NARS2: variants seen among roughly 807,000 people sequenced by gnomAD.
The protein encoded by NARS2 is asparaginyl-tRNA synthetase.
Under a neutral mutation model 62.9 loss-of-function variants are expected in NARS2, and 60 were observed. That is an observed-to-expected ratio of 0.95 (90% CI 0.77 to 1.18). The LOEUF (loss-of-function observed/expected upper bound fraction) is 1.18, where lower values mean the gene tolerates loss of function less well. NARS2 is among the 50% of genes most tolerant of loss of function. NARS2 has a pLI of 0.00. For missense variants in NARS2, 619 were observed against 576.4 expected (o/e 1.07, Z -0.76); for synonymous variants, 196 against 200.0 (o/e 0.98, Z 0.17).
At chr11:78,569,688 T>C (rs1464426715) in intron 2 of NARS2, among the ~76,000 whole-genome samples, 2 of 152,194 alleles carry the variant, frequency 1.3e-5, no homozygotes, top group South Asian at 4.1e-4. Flanking sequence ...TGGTATACTT[T>C]CATCAACCTG....
Position 78,550,859 on chromosome 11 carries a change from TA to T in NARS2, c.594+8679del, listed in dbSNP as rs528562960. Among the ~76,000 whole-genome samples, 12 of 152,280 alleles carry T rather than the reference TA, an allele frequency of 7.9e-5. No individual in the cohort carries two copies. The South Asian group carries it at 2.5e-3, about 32-fold the overall frequency. ...AACAATACGAATGTCCATCAAGTGATAAATCAATAAACAAAACATGATACAT... is the reference window on the plus strand; with the variant it reads ...AACAATACGAATGTCCATCAAGTGATAATCAATAAACAAAACATGATACAT... On this transcript the variant is annotated intron_variant, in intron 5 of 13. Transcript: ENST00000281038.
At position 78,443,777 on chromosome 11, in the gene NARS2, T is replaced by C; in HGVS notation, c.1165-19A>G. 2 of 1,466,198 alleles carry C rather than the reference T, an allele frequency of 1.4e-6. No individual in the cohort carries two copies. The highest frequency in any genetic ancestry group is 1.9e-6 in the Non-Finnish European group (2 of 1,050,888). 90.8% of individuals were successfully genotyped at this position (1,466,198 alleles called of 1,614,324 possible). A position where few individuals can be genotyped will look rare whatever the true frequency, so the allele number is the denominator to read the frequency against. ...CAGCAACCTAAGGAAAAAAAAAAAATTATTAGCATTATATTTTCAGGTGAT... is the reference window on the plus strand; with the variant it reads ...CAGCAACCTAAGGAAAAAAAAAAAACTATTAGCATTATATTTTCAGGTGAT... On this transcript the variant is annotated intron_variant, in intron 11 of 13. Transcript: ENST00000281038.
chr11:78,556,851 A>T (rs536005607), intron 5 of NARS2, among the ~76,000 whole-genome samples: 1 of 152,228 alleles, frequency 6.6e-6, no homozygotes, highest in Non-Finnish European at 1.5e-5. Context: ...CAAAGAGGAA[A>T]ACGTGTACAA....
chr11:78,519,457 T>C (rs911555347), intron 6 of NARS2, among the ~76,000 whole-genome samples: 1 of 152,146 alleles, frequency 6.6e-6, no homozygotes, highest in South Asian at 2.1e-4. Flanking sequence ...TTAGCAGAAA[T>C]AGCCATTTTT....
At chr11:78,497,592 G>A (rs2135344160) in intron 6 of NARS2, among the ~76,000 whole-genome samples, 1 of 152,248 alleles carries the variant, frequency 6.6e-6, no homozygotes, top group Admixed American at 6.5e-5. Flanking sequence ...GATTTTAAAA[G>A]TTTTTGCCAA....
intron 5 of NARS2, among the ~76,000 whole-genome samples, chr11:78,540,402 T>C (rs1855564806): frequency 7.9e-5 from 12 of 152,160 alleles, no homozygotes; most frequent in Admixed American, 7.9e-4. Context: ...TCCGACTCTG[T>C]CTCCATGTAA....
chr11:78,446,118 T>A (rs1182042747), intron 11 of NARS2, among the ~76,000 whole-genome samples: 1 of 152,242 alleles, frequency 6.6e-6, no homozygotes, highest in East Asian at 1.9e-4. Flanking sequence ...CATTTTAATC[T>A]TTAAATGTCA....
chr11:78,542,520 C>T (rs1855659941), intron 5 of NARS2, among the ~76,000 whole-genome samples: 1 of 152,060 alleles, frequency 6.6e-6, no homozygotes, highest in Non-Finnish European at 1.5e-5. Context: ...AAGATATGGT[C>T]CTAGTCCGTT....
intron 11 of NARS2, among the ~76,000 whole-genome samples, chr11:78,450,916 A>G (rs1857949995): frequency 6.6e-6 from 1 of 152,026 alleles, no homozygotes; most frequent in Non-Finnish European, 1.5e-5. Flanking sequence ...TCCTGACCTC[A>G]AGTGATCTGC....
intron 10 of NARS2, among the ~76,000 whole-genome samples, chr11:78,468,310 G>GAAAAAAAAAAAAAAAAAAAAAAAA (rs764254167): frequency 2.2e-4 from 15 of 67,428 alleles, no homozygotes; most frequent in African/African-American, 8.2e-4. Context: ...CACTAAATCT[G>GAAAAAAAAAAAAAAAAAAAAAAAA]AAAAAAAAAA....
chr11:78,437,238 CAG>C (rs2135125812), intron 13 of NARS2, among the ~76,000 whole-genome samples: 1 of 152,264 alleles, frequency 6.6e-6, no homozygotes, highest in South Asian at 2.1e-4. Context: ...GAGGAGAGTG[CAG>C]AGTTTTGCCT....
At position 78,528,866 on chromosome 11, in the gene NARS2, T is replaced by C. The variant is rs1209240587; in HGVS notation, c.665A>G (p.Gln222Arg). 3 of 1,612,028 alleles carry C rather than the reference T, an allele frequency of 1.9e-6. No individual in the cohort carries two copies. Among genetic ancestry groups the C allele is most frequent in the Non-Finnish European group, 8.5e-7 (1 of 1,178,684 alleles). Residue 222 changes from glutamine (Q) to arginine (R), a missense_variant, in exon 6 of 14, where the codon CAA (glutamine) becomes CGA (arginine). Physicochemically the swap from Gln to Arg is conservative, Grantham distance 43. Coordinates refer to ENST00000281038, the MANE Select transcript of NARS2 (RefSeq NM_024678.6). ...NVPAFLTVSG[Q>R]LHLEVMSGAF... is the part of the protein sequence containing the mutation. The stretch of plus-strand genomic sequence containing the variant: ...CCCTGACATCACTTCTAGATGAAGT[T>C]GTCCTGAGACAGTTAAGAAAGCAGG...
chr11:78,491,787 A>G (rs919565592), intron 7 of NARS2, among the ~76,000 whole-genome samples: 1 of 152,194 alleles, frequency 6.6e-6, no homozygotes, highest in African/African-American at 2.4e-5. Flanking sequence ...TCTCTGCCTT[A>G]GAGAGTTTTG....
chr11:78,564,705 G>A (rs1297725278), intron 4 of NARS2, among the ~76,000 whole-genome samples: 1 of 152,156 alleles, frequency 6.6e-6, no homozygotes. Flanking sequence ...ACAATTGTGT[G>A]GTTCAAGCAG....
intron 6 of NARS2, among the ~76,000 whole-genome samples, chr11:78,514,792 C>T (rs1860843915): frequency 6.6e-6 from 1 of 152,104 alleles, no homozygotes; most frequent in African/African-American, 2.4e-5. Flanking sequence ...GGCAAGCAGA[C>T]ACTGCAGAGT....
At chr11:78,473,351 C>G (rs1434581080) in intron 9 of NARS2, among the ~76,000 whole-genome samples, 1 of 152,162 alleles carries the variant, frequency 6.6e-6, no homozygotes, top group Non-Finnish European at 1.5e-5. Flanking sequence ...AATCTATTGT[C>G]ATTACTGTTC....
At chr11:78,551,356 T>C (rs775220182) in intron 5 of NARS2, among the ~76,000 whole-genome samples, 1 of 152,140 alleles carries the variant, frequency 6.6e-6, no homozygotes. Flanking sequence ...ACTTTGGCAA[T>C]TGTAACACAA....
At chr11:78,511,234 C>T (rs770767238) in intron 6 of NARS2, among the ~76,000 whole-genome samples, 22 of 152,168 alleles carry the variant, frequency 1.4e-4, no homozygotes, top group Non-Finnish European at 2.1e-4. Flanking sequence ...TGTGCCACCA[C>T]GCTCAGCTAA....
intron 6 of NARS2, among the ~76,000 whole-genome samples, chr11:78,513,499 C>T (rs920615781): frequency 6.6e-5 from 10 of 151,998 alleles, no homozygotes; most frequent in African/African-American, 1.5e-4. Flanking sequence ...ACACGTGGGC[C>T]GGGTGCGGTG....
Sources: gnomAD v4.1 joint callset for allele counts (sites outside exome capture counted in the v4.1 genomes callset) on GRCh38, gnomAD v4.1.1 for gene constraint, MANE v1.5 for transcripts, NCBI Gene and HGNC (gene_info 2026-07-23, HGNC 2026-07-21) for gene names.